Variants in CIROP observed in about 807,000 individuals in gnomAD.
CIROP encodes ciliated left-right organizer metallopeptidase.
the CIROP span, chr14:23,103,586 A>ACAAAACAAAG: frequency 1.6e-6 from 1 of 630,378 alleles, no homozygotes; most frequent in South Asian, 1.8e-5. Context: ...ACAAAACAAA[A>ACAAAACAAAG]CAAAACTGCT....
the CIROP span, chr14:23,100,834 A>G: frequency 2.5e-6 from 1 of 398,968 alleles, no homozygotes; most frequent in Non-Finnish European, 4.4e-6. Context: ...CATTGTATAA[A>G]TACTCAAGCT....
the CIROP span, chr14:23,104,205 A>C: frequency 3.3e-6 from 2 of 614,996 alleles, no homozygotes. Flanking sequence ...CACCACCCTT[A>C]TTTTTTCAAG....
the CIROP span, chr14:23,104,896 GCAGCAGCAGCA>G: frequency 1.6e-6 from 1 of 608,174 alleles, no homozygotes; most frequent in Non-Finnish European, 2.9e-6. Flanking sequence ...GGCAGCAGCA[GCAGCAGCAGCA>G]GCAGCAGCAG....
At chr14:23,102,190 T>C in the CIROP span, 2 of 703,016 alleles carry the variant, frequency 2.8e-6, no homozygotes, top group Non-Finnish European at 5.2e-6. Context: ...TCGAGTGCGC[T>C]GGGCTCCATC....
At chr14:23,104,932 G>T in the CIROP span, 3 of 683,570 alleles carry the variant, frequency 4.4e-6, no homozygotes, top group Non-Finnish European at 5.3e-6. Flanking sequence ...TCCCTTCTGT[G>T]TCTCTCCGTA....
the CIROP span, chr14:23,099,555 A>C: frequency 2.8e-6 from 1 of 352,114 alleles, no homozygotes; most frequent in African/African-American, 2.4e-5. Context: ...AAGCGGCATT[A>C]CCTTTTTTTT....
At chr14:23,102,443 C>A in the CIROP span, 8 of 702,818 alleles carry the variant, frequency 1.1e-5, no homozygotes, top group Admixed American at 1.6e-4. Flanking sequence ...GTTGTCCCCA[C>A]TCATCTTGCC....
the CIROP span, chr14:23,102,570 G>A: frequency 7.1e-6 from 5 of 702,578 alleles, no homozygotes; most frequent in Non-Finnish European, 1.0e-5. Flanking sequence ...GACGTTATGA[G>A]ATAGTGAATT....
the CIROP span, chr14:23,101,392 A>G: frequency 8.6e-6 from 5 of 580,856 alleles, no homozygotes; most frequent in South Asian, 6.6e-5. Context: ...GCAGCGGCCC[A>G]TGAGCTCTGC....
the CIROP span, chr14:23,101,453 G>A: frequency 1.7e-6 from 1 of 603,534 alleles, no homozygotes; most frequent in Non-Finnish European, 3.0e-6. Flanking sequence ...TCCCCAGGGA[G>A]CAGCTGTGAA....
chr14:23,101,039 C>T, the CIROP span: 95 of 399,296 alleles, frequency 2.4e-4, no homozygotes, highest in African/African-American at 1.7e-3. Flanking sequence ...CTGACACAGC[C>T]GACCCCGGGG....
the CIROP span, chr14:23,104,400 C>A: frequency 1.7e-4 from 123 of 703,006 alleles, 3 homozygotes; most frequent in African/African-American, 1.5e-3. Flanking sequence ...GTAGTTTGGG[C>A]TATCTGGGTC....
At chr14:23,101,690 C>T in the CIROP span, 5 of 703,050 alleles carry the variant, frequency 7.1e-6, 1 homozygote, top group Admixed American at 1.0e-4. Context: ...AGGGCTTGTA[C>T]ATGCGGCAGC....
chr14:23,103,243 C>T, the CIROP span: 4 of 414,822 alleles, frequency 9.6e-6, no homozygotes, highest in Admixed American at 4.1e-5. Context: ...CCCAAATAAG[C>T]ACAACTTAAT....
At chr14:23,102,396 G>T in the CIROP span, 3 of 702,858 alleles carry the variant, frequency 4.3e-6, no homozygotes, top group African/African-American at 5.2e-5. Flanking sequence ...CAAGTGTTTG[G>T]CCAGGCTGAG....
the CIROP span, chr14:23,103,485 T>G: frequency 1.8e-6 from 1 of 545,684 alleles, no homozygotes. Context: ...GCCCAGGAGG[T>G]CAAGGCTGCG....
chr14:23,102,690 A>G, the CIROP span: 5,217 of 702,910 alleles, frequency 7.4e-3, 195 homozygotes, highest in African/African-American at 0.078. Context: ...AACCCAAGGC[A>G]TGGAGCAATT....
the CIROP span, chr14:23,104,885 C>T: frequency 9.6e-3 from 6,215 of 648,000 alleles, 173 homozygotes; most frequent in African/African-American, 0.064. Context: ...GGACTAGTGG[C>T]GGCAGCAGCA....
At chr14:23,104,630 C>T in the CIROP span, 20 of 702,640 alleles carry the variant, frequency 2.8e-5, no homozygotes, top group African/African-American at 3.1e-4. Context: ...GCTGAGTGGC[C>T]TCTCTCACTG....
Sources: gnomAD v4.1 joint callset for allele counts on GRCh38, gnomAD v4.1.1 for gene constraint, MANE v1.5 for transcripts, NCBI Gene and HGNC (gene_info 2026-07-23, HGNC 2026-07-21) for gene names.